The following LHFPL3 variants were observed in gnomAD, a reference collection of about 807,000 sequenced individuals.
LHFPL3 encodes the protein LHFPL tetraspan subfamily member 3 protein.
A neutral mutation model predicts 19.3 loss-of-function variants in LHFPL3; 5 were observed. That is an observed-to-expected ratio of 0.26 (90% CI 0.14 to 0.54). LHFPL3 has a LOEUF of 0.54. Ranked by LOEUF, LHFPL3 falls within the 20% of genes least tolerant of loss-of-function variation. The pLI is 0.94. For synonymous variants in LHFPL3, 133 were observed against 126.2 expected, an observed-to-expected ratio of 1.05 and a Z score of -0.36; for missense variants, 249 against 307.4, an observed-to-expected ratio of 0.81 and a Z score of 1.42.
At chr7:104,713,152 T>A (rs1306530514) in intron 1 of LHFPL3, among the ~76,000 whole-genome samples, 1 of 152,252 alleles carries the variant, frequency 6.6e-6, no homozygotes, top group Non-Finnish European at 1.5e-5. Context: ...ATCTACAACA[T>A]GAATTAATAT....
intron 1 of LHFPL3, among the ~76,000 whole-genome samples, chr7:104,430,448 A>ATT (rs1791973535): frequency 4.7e-5 from 1 of 21,106 alleles, no homozygotes; most frequent in Non-Finnish European, 7.5e-5. Context: ...ATATATATAT[A>ATT]TATATATTTT....
At chr7:104,859,385 T>C (rs1791571593) in intron 2 of LHFPL3, among the ~76,000 whole-genome samples, 2 of 151,984 alleles carry the variant, frequency 1.3e-5, no homozygotes, top group African/African-American at 2.4e-5. Flanking sequence ...AAGCATTAAG[T>C]AGGCCAGGCA....
chr7:104,739,167 C>G (rs1379678216), intron 2 of LHFPL3, among the ~76,000 whole-genome samples: 3 of 152,162 alleles, frequency 2.0e-5, no homozygotes, highest in African/African-American at 7.2e-5. Flanking sequence ...TATACAAAAT[C>G]AGACCAGGAT....
At chr7:104,594,407 C>T (rs1385881800) in intron 1 of LHFPL3, among the ~76,000 whole-genome samples, 5 of 152,232 alleles carry the variant, frequency 3.3e-5, no homozygotes, top group Non-Finnish European at 2.9e-5. Flanking sequence ...GAGAGATCCG[C>T]TGTTAGTCTG....
chr7:104,848,232 A>G (rs1410711361), intron 2 of LHFPL3, among the ~76,000 whole-genome samples: 1 of 152,192 alleles, frequency 6.6e-6, no homozygotes, highest in Non-Finnish European at 1.5e-5. Context: ...AGATTGAAAG[A>G]TGACAATCCA....
At chr7:104,685,552 TACTC>T (rs763654275) in intron 1 of LHFPL3, among the ~76,000 whole-genome samples, 26 of 152,254 alleles carry the variant, frequency 1.7e-4, no homozygotes, top group Non-Finnish European at 2.5e-4. Flanking sequence ...TTTCTTGTCT[TACTC>T]AATGAGCCAG....
chr7:104,871,450 G>A (rs1791835712), intron 2 of LHFPL3, among the ~76,000 whole-genome samples: 1 of 152,152 alleles, frequency 6.6e-6, no homozygotes, highest in African/African-American at 2.4e-5. Flanking sequence ...GGCCTAGGAT[G>A]TTACTGTACA....
chr7:104,721,174 G>A (rs1793482644), intron 1 of LHFPL3, among the ~76,000 whole-genome samples: 1 of 152,172 alleles, frequency 6.6e-6, no homozygotes, highest in Non-Finnish European at 1.5e-5. Flanking sequence ...TTAAGAAAAT[G>A]TGGCACATAT....
chr7:104,370,526 GAAGCT>G (rs1790592193), intron 1 of LHFPL3, among the ~76,000 whole-genome samples: 1 of 152,172 alleles, frequency 6.6e-6, no homozygotes, highest in South Asian at 2.1e-4. Context: ...GGGTGGGTTT[GAAGCT>G]AAGAAACAAT....
At chr7:104,879,755 C>T (rs1319625064) in intron 2 of LHFPL3, among the ~76,000 whole-genome samples, 1 of 152,350 alleles carries the variant, frequency 6.6e-6, no homozygotes, top group South Asian at 2.1e-4. Flanking sequence ...GGAGAAACCA[C>T]AGCAAGTTAT....
intron 1 of LHFPL3, among the ~76,000 whole-genome samples, chr7:104,549,448 A>AGCAC (rs767795813): frequency 7.1e-6 from 1 of 140,238 alleles, no homozygotes; most frequent in Admixed American, 7.3e-5. Flanking sequence ...CCCTTAACCC[A>AGCAC]ACACACACAC....
At chr7:104,781,419 T>C (rs962383415) in intron 2 of LHFPL3, among the ~76,000 whole-genome samples, 2 of 152,110 alleles carry the variant, frequency 1.3e-5, no homozygotes, top group Admixed American at 1.3e-4. Context: ...CCTCCTTCTG[T>C]GTCAGCCAAA....
chr7:104,562,248 A>C (rs1790020619), intron 1 of LHFPL3, among the ~76,000 whole-genome samples: 1 of 151,744 alleles, frequency 6.6e-6, no homozygotes. Context: ...AGATTGGGGA[A>C]GTTCTCCTGG....
chr7:104,812,722 T>G (rs1003625888), intron 2 of LHFPL3, among the ~76,000 whole-genome samples: 25 of 136,680 alleles, frequency 1.8e-4, no homozygotes, highest in African/African-American at 5.8e-4. Flanking sequence ...GAGAATCACT[T>G]GAACCCAGGA....
intron 1 of LHFPL3, among the ~76,000 whole-genome samples, chr7:104,483,897 T>A (rs1011563326): frequency 1.3e-5 from 2 of 152,194 alleles, no homozygotes; most frequent in Non-Finnish European, 1.5e-5. Flanking sequence ...AGTGTTGGGA[T>A]TACAGGTATC....
chr7:104,452,371 T>A (rs554424972), intron 1 of LHFPL3, among the ~76,000 whole-genome samples: 1 of 152,228 alleles, frequency 6.6e-6, no homozygotes, highest in Non-Finnish European at 1.5e-5. Flanking sequence ...GCAGTAAGTA[T>A]GCAGTATCCT....
At chr7:104,899,106 T>A (rs1041775642) in intron 2 of LHFPL3, among the ~76,000 whole-genome samples, 2 of 149,504 alleles carry the variant, frequency 1.3e-5, no homozygotes, top group Non-Finnish European at 3.0e-5. Flanking sequence ...CCATCTCTAA[T>A]ATATATATAT....
intron 1 of LHFPL3, among the ~76,000 whole-genome samples, chr7:104,629,161 A>G (rs551628284): frequency 1.3e-5 from 2 of 152,250 alleles, no homozygotes; most frequent in African/African-American, 4.8e-5. Context: ...GTTGTTCTTT[A>G]TAGTGTCAGG....
In LHFPL3 at chr7:104,576,177, A is replaced by G. The variant is rs577621928; in HGVS notation, c.446-160498A>G. ...AAGATCCAGGAAAAAAAAATTAGAA[A>G]AAAGAATAGTTTAAAAGATCTATGG... On this transcript the variant is annotated intron_variant, in intron 1 of 2. Coordinates refer to ENST00000424859, the MANE Select transcript of LHFPL3 (RefSeq NM_199000.3). Among the ~76,000 whole-genome samples, 13 of 152,328 alleles carry G rather than the reference A, an allele frequency of 8.5e-5. 1 individual carries two copies. In the South Asian group the frequency reaches 2.5e-3, roughly 29 times the overall value.
Sources: gnomAD v4.1 joint callset for allele counts (sites outside exome capture counted in the v4.1 genomes callset) on GRCh38, gnomAD v4.1.1 for gene constraint, MANE v1.5 for transcripts, NCBI Gene and HGNC (gene_info 2026-07-23, HGNC 2026-07-21) for gene names.